ABCG2: variants seen among roughly 807,000 people sequenced by gnomAD.
ABCG2 encodes the protein broad substrate specificity ATP-binding cassette transporter ABCG2.
A neutral mutation model predicts 73.5 loss-of-function variants in ABCG2; 80 were observed. That is an observed-to-expected ratio of 1.09 (90% confidence interval 0.91 to 1.31). The LOEUF (loss-of-function observed/expected upper bound fraction) is 1.31. Ranked by LOEUF, ABCG2 falls within the 50% of genes most tolerant of loss-of-function variation. The pLI is 0.00. For synonymous variants in ABCG2, 269 were observed against 282.4 expected (o/e 0.95, Z 0.48); for missense variants, 796 against 786.2 (o/e 1.01, Z -0.15).
chr4:88,105,590 G>A lies in ABCG2; in HGVS notation c.1277+1594C>T, dbSNP rs922656858. Among the ~76,000 whole-genome samples the A allele has an allele frequency of 6.6e-5, 10 of 152,106 alleles. 1 individual carries two copies. Among genetic ancestry groups the A allele is most frequent in the Admixed American group, 6.6e-4 (10 of 15,266 alleles). On this transcript the variant is annotated intron_variant, in intron 10 of 15. Coordinates refer to ENST00000237612, the MANE Select transcript of ABCG2 (RefSeq NM_004827.3). ...AACAAAAGTGCTAACCATATAACAG[G>A]AAAAGCTGAGTCCCACCCCCATCAC...
intron 1 of ABCG2, among the ~76,000 whole-genome samples, chr4:88,164,738 G>A (rs1227004847): frequency 6.6e-6 from 1 of 152,212 alleles, no homozygotes; most frequent in Non-Finnish European, 1.5e-5. Flanking sequence ...AGGGAAGGAA[G>A]TTGGATGTAT....
intron 2 of ABCG2, among the ~76,000 whole-genome samples, chr4:88,139,519 C>A (rs994810287): frequency 1.3e-5 from 2 of 152,208 alleles, no homozygotes; most frequent in Non-Finnish European, 2.9e-5. Context: ...TCCCAAAGTG[C>A]TGGGATTACA....
Position 88,213,982 on chromosome 4 carries a change from C to CT in ABCG2, c.-20+17011dup, listed in dbSNP as rs33984842. ...ACAGCCATGAGCCACCACGCCCGGCCTTTTTTTTTTTTTTTTTTTTTTTGA... is the reference window on the plus strand; with the variant it reads ...ACAGCCATGAGCCACCACGCCCGGCCTTTTTTTTTTTTTTTTTTTTTTTTGA... On this transcript the variant is annotated intron_variant, in intron 1 of 15. Coordinates refer to the ABCG2 transcript ENST00000515655. Among the ~76,000 whole-genome samples, 489 of 59,548 alleles carry CT rather than the reference C, an allele frequency of 8.2e-3. 18 individuals carry two copies. Among genetic ancestry groups the CT allele is most frequent in the African/African-American group, 0.026 (386 of 15,104 alleles). The allele number at this position is 59,548 out of a possible 152,430, so 39.1% of individuals were successfully genotyped here.
At chr4:88,215,675 A>G (rs1484609056) in intron 1 of ABCG2, among the ~76,000 whole-genome samples, 17 of 152,236 alleles carry the variant, frequency 1.1e-4, no homozygotes, top group Non-Finnish European at 1.2e-4. Context: ...AACATGGTGC[A>G]ACTACCACAG....
chr4:88,100,612 T>C (rs1363882188), intron 11 of ABCG2, among the ~76,000 whole-genome samples: 2 of 151,704 alleles, frequency 1.3e-5, no homozygotes, highest in Non-Finnish European at 2.9e-5. Context: ...ATCATGTCTC[T>C]GGACTCCAGC....
In ABCG2 at chr4:88,106,446, G is replaced by C. The variant is rs549559961; in HGVS notation, c.1277+738C>G. On this transcript the variant is annotated intron_variant, in intron 10 of 15. Transcript: ENST00000237612. ...ATATTATTCAACCTTACAACGGAAA[G>C]AAATCTGACACATGCTACATGAATG... Among the ~76,000 whole-genome samples the C allele has an allele frequency of 2.6e-5, 4 of 152,270 alleles. No homozygotes were observed. The South Asian group carries it at 6.2e-4, about 24-fold the overall frequency.
At chr4:88,211,358 G>GGCCC (rs1553900212) in intron 1 of ABCG2, among the ~76,000 whole-genome samples, 3 of 33,672 alleles carry the variant, frequency 8.9e-5, no homozygotes, top group Non-Finnish European at 1.1e-4. Flanking sequence ...TTCAACCCCT[G>GGCCC]CCCCACCCCC....
At chr4:88,195,124 C>T (rs13102592) in intron 1 of ABCG2, among the ~76,000 whole-genome samples, 1,596 of 152,212 alleles carry the variant, frequency 0.01, 17 homozygotes, top group Non-Finnish European at 0.014. Flanking sequence ...ATCCCAGTGC[C>T]TTAGGAGGCT....
At chr4:88,117,153 G>A (rs971549868) in intron 7 of ABCG2, among the ~76,000 whole-genome samples, 2 of 151,758 alleles carry the variant, frequency 1.3e-5, no homozygotes, top group African/African-American at 2.4e-5. Context: ...GCAAGACCCC[G>A]ACTCTACAAA....
intron 1 of ABCG2, among the ~76,000 whole-genome samples, chr4:88,155,181 G>C (rs1726853468): frequency 1.3e-5 from 2 of 152,100 alleles, no homozygotes; most frequent in South Asian, 4.1e-4. Context: ...TTTATATAAT[G>C]GCTTTGTTAG....
At chr4:88,115,232 G>GTCTCTCTCTCTCTCTGTCTCTC (rs59257608) in intron 7 of ABCG2, among the ~76,000 whole-genome samples, 174 bp from the exon 8 acceptor site, 1,273 of 28,650 alleles carry the variant, frequency 0.044, 228 homozygotes, top group African/African-American at 0.13. Context: ...TATATATTCA[G>GTCTCTCTCTCTCTCTGTCTCTC]TCTCTCTCTC....
At chr4:88,145,067 G>A (rs551007122) in intron 1 of ABCG2, among the ~76,000 whole-genome samples, 1 of 151,458 alleles carries the variant, frequency 6.6e-6, no homozygotes, top group African/African-American at 2.4e-5. Context: ...ATAGCCTCAA[G>A]TTGAGAATTC....
intron 1 of ABCG2, among the ~76,000 whole-genome samples, chr4:88,201,077 G>T (rs190617541): frequency 6.6e-6 from 1 of 151,298 alleles, no homozygotes; most frequent in Non-Finnish European, 1.5e-5. Context: ...GACAAATTAA[G>T]CAGAAGAAAA....
At chr4:88,161,154 CAATTTTTTTTTTT>C (rs1727284120), upstream of ABCG2, among the ~76,000 whole-genome samples, 1 of 126,870 alleles carries the variant, frequency 7.9e-6, no homozygotes, top group Non-Finnish European at 1.8e-5. Flanking sequence ...TCTCTACAAA[CAATTTTTTTTTTT>C]AATTTTTTTT....
chr4:88,160,928 C>T (rs1296147680), upstream of ABCG2, among the ~76,000 whole-genome samples: 1 of 147,412 alleles, frequency 6.8e-6, no homozygotes, highest in African/African-American at 2.5e-5. Flanking sequence ...GTAATCCCAA[C>T]ACTTTGGGAG....
At chr4:88,155,313 C>T (rs902961519) in intron 1 of ABCG2, among the ~76,000 whole-genome samples, 4 of 152,002 alleles carry the variant, frequency 2.6e-5, no homozygotes, top group Admixed American at 1.3e-4. Context: ...AGGGAGAGCA[C>T]GTGTGTTTTT....
intron 10 of ABCG2, among the ~76,000 whole-genome samples, chr4:88,103,569 T>C (rs1034612347): frequency 9.9e-5 from 15 of 152,236 alleles, no homozygotes; most frequent in African/African-American, 3.6e-4. Context: ...CAAACATTTA[T>C]TTTTTGTGGT....
At position 88,173,607 on chromosome 4, in the gene ABCG2, C is replaced by T. The variant is rs1727844840; in HGVS notation, c.-19-33593G>A. 2.0e-5 allele frequency among the ~76,000 whole-genome samples: 3 copies of T among 152,128 alleles called. No homozygotes were observed. In the South Asian group the frequency reaches 6.2e-4, roughly 32 times the overall value. On this transcript the variant is annotated intron_variant, in intron 1 of 15. Transcript: ENST00000515655. ...CCCCAACACTATTATCACATCTAAA[C>T]AATGGACAATTTATTTTTACATTTA...
chr4:88,169,972 A>G (rs1276355662), intron 1 of ABCG2, among the ~76,000 whole-genome samples: 1 of 151,986 alleles, frequency 6.6e-6, no homozygotes, highest in Non-Finnish European at 1.5e-5. Context: ...TTAGCCAGGC[A>G]TGGTGGCATG....
Sources: gnomAD v4.1 joint callset for allele counts (sites outside exome capture counted in the v4.1 genomes callset) on GRCh38, gnomAD v4.1.1 for gene constraint, MANE v1.5 for transcripts, NCBI Gene and HGNC (gene_info 2026-07-23, HGNC 2026-07-21) for gene names.